GPC6: variants seen among roughly 807,000 people sequenced by gnomAD.
The protein encoded by GPC6 is glypican-6.
In GPC6, 14 loss-of-function variants were observed where a neutral mutation model predicts 55.2. That is an observed-to-expected ratio of 0.25 (90% CI 0.17 to 0.40). The LOEUF is 0.40. Ranked by LOEUF, GPC6 falls within the 10% of genes least tolerant of loss-of-function variation. GPC6 has a pLI of 1.00. For synonymous variants in GPC6, 278 were observed against 259.6 expected, an observed-to-expected ratio of 1.07 and a Z score of -0.68; for missense variants, 641 against 708.5, an observed-to-expected ratio of 0.90 and a Z score of 1.08.
At chr13:94,105,188 C>G (rs1391731261) in intron 4 of GPC6, among the ~76,000 whole-genome samples, 1 of 152,000 alleles carries the variant, frequency 6.6e-6, no homozygotes, top group African/African-American at 2.4e-5. Context: ...GACCCCGTAT[C>G]TACAAAAAAT....
intron 4 of GPC6, among the ~76,000 whole-genome samples, chr13:94,163,145 G>A (rs139358798): frequency 6.6e-6 from 1 of 152,238 alleles, no homozygotes; most frequent in African/African-American, 2.4e-5. Flanking sequence ...TGCCAGTATT[G>A]ATGGGAGACA....
In GPC6 at chr13:93,901,641, G is replaced by A. The variant is rs181462205; in HGVS notation, c.711+71096G>A. On this transcript the variant is annotated intron_variant, in intron 3 of 8. Transcript: ENST00000377047. Reference sequence around the variant, plus strand: ...TTAAAGGCTGGGCACGGTGGTTCACGCCTGTAATCCCAGCACTTTGGAAGG... The same window carrying A: ...TTAAAGGCTGGGCACGGTGGTTCACACCTGTAATCCCAGCACTTTGGAAGG... Among the ~76,000 whole-genome samples the A allele has an allele frequency of 9.9e-4, 151 of 152,084 alleles. 1 individual carries two copies. Among genetic ancestry groups the A allele is most frequent in the Non-Finnish European group, 1.7e-3 (115 of 67,966 alleles).
rs377606825 is a variant in GPC6, at chr13:94,061,794, G to GAA, written c.877+33911_877+33912dup. On this transcript the variant is annotated intron_variant, in intron 4 of 8. Transcript: ENST00000377047. ...CCATCGGGGAGAGTCAGCCCTGGGG[G>GAA]AAAAAAAAAAAACAAAAATGTAGTT... 9.6e-4 allele frequency among the ~76,000 whole-genome samples: 136 copies of GAA among 141,030 alleles called. 1 individual carries two copies. The highest frequency in any genetic ancestry group is 2.7e-3 in the Admixed American group (38 of 14,238). 92.5% of individuals were successfully genotyped at this position (141,030 alleles called of 152,430 possible).
intron 2 of GPC6, among the ~76,000 whole-genome samples, chr13:93,796,000 G>A (rs993095309): frequency 4.6e-5 from 7 of 151,466 alleles, no homozygotes; most frequent in African/African-American, 9.7e-5. Context: ...CCTGGGCAAC[G>A]TAGGGAGACC....
intron 4 of GPC6, among the ~76,000 whole-genome samples, chr13:94,156,825 G>A (rs1887963081): frequency 6.6e-6 from 1 of 152,132 alleles, no homozygotes; most frequent in African/African-American, 2.4e-5. Flanking sequence ...TATTTTTCTG[G>A]TGCCTCTCAC....
rs1335015404 is a variant in GPC6, at chr13:93,407,402, A to T, written c.161-137861A>T. Among the ~76,000 whole-genome samples, 4 of 152,232 alleles carry T rather than the reference A, an allele frequency of 2.6e-5. No individual in the cohort carries two copies. The South Asian group carries it at 8.3e-4, about 32-fold the overall frequency. On this transcript the variant is annotated intron_variant, in intron 1 of 8. Coordinates refer to ENST00000377047, the MANE Select transcript of GPC6 (RefSeq NM_005708.5). Reference sequence around the variant, plus strand: ...AGATTGCAAAGTTGGGTAAAAAAAAACACCAACTCATTGTATTTTATGGCT... The same window carrying T: ...AGATTGCAAAGTTGGGTAAAAAAAATCACCAACTCATTGTATTTTATGGCT...
chr13:94,095,921 A>G lies in GPC6; in HGVS notation c.877+68027A>G, dbSNP rs554971447. Among the ~76,000 whole-genome samples the G allele has an allele frequency of 7.2e-5, 11 of 152,294 alleles. No homozygotes were observed. In the East Asian group the frequency reaches 2.1e-3, roughly 29 times the overall value. On this transcript the variant is annotated intron_variant, in intron 4 of 8. Transcript: ENST00000377047. Reference sequence around the variant, plus strand: ...CTATTTTACTCTCAGGCCTGTGTGGACAGAAGTAGAAAACAGAGGAGGCAT... The same window carrying G: ...CTATTTTACTCTCAGGCCTGTGTGGGCAGAAGTAGAAAACAGAGGAGGCAT...
intron 3 of GPC6, among the ~76,000 whole-genome samples, chr13:93,856,008 C>CTT (rs1888597503): frequency 6.6e-6 from 1 of 151,706 alleles, no homozygotes; most frequent in Admixed American, 6.6e-5. Flanking sequence ...TTGACAGTGT[C>CTT]TTTCACAGAG....
At chr13:93,826,656 T>C (rs1320038549) in intron 2 of GPC6, among the ~76,000 whole-genome samples, 1 of 152,216 alleles carries the variant, frequency 6.6e-6, no homozygotes, top group Non-Finnish European at 1.5e-5. Flanking sequence ...CTGTGTGATG[T>C]AGACTGTAGA....
chr13:94,334,450 A>G (rs1877582043), intron 6 of GPC6, among the ~76,000 whole-genome samples: 1 of 152,216 alleles, frequency 6.6e-6, no homozygotes, highest in Non-Finnish European at 1.5e-5. Context: ...ATCAATATAG[A>G]TGTTTAAAGC....
chr13:94,357,626 A>AGT (rs1203793363), intron 6 of GPC6, among the ~76,000 whole-genome samples: 1 of 152,178 alleles, frequency 6.6e-6, no homozygotes, highest in East Asian at 1.9e-4. Context: ...CACAGCCCTA[A>AGT]GGTACCACCA....
intron 1 of GPC6, among the ~76,000 whole-genome samples, chr13:93,426,528 A>G (rs1165707897): frequency 6.6e-6 from 1 of 151,548 alleles, no homozygotes; most frequent in Non-Finnish European, 1.5e-5. Flanking sequence ...GAGAAGGATG[A>G]TTTCCAATTT....
At chr13:94,288,841 A>G (rs1174221826) in intron 5 of GPC6, among the ~76,000 whole-genome samples, 1 of 116,866 alleles carries the variant, frequency 8.6e-6, no homozygotes, top group African/African-American at 3.4e-5. Flanking sequence ...GTTATATATA[A>G]CAAATATATA....
intron 2 of GPC6, among the ~76,000 whole-genome samples, chr13:93,749,808 TACA>T (rs1227562045): frequency 7.2e-5 from 11 of 151,990 alleles, no homozygotes; most frequent in African/African-American, 2.7e-4. Flanking sequence ...ACGAAAAAAA[TACA>T]ACGTCAAATG....
chr13:94,280,369 A>G lies in GPC6; in HGVS notation c.878-5980A>G, dbSNP rs1368792786. 2.6e-5 allele frequency among the ~76,000 whole-genome samples: 4 copies of G among 152,192 alleles called. No homozygotes were observed. The East Asian group carries it at 7.7e-4, about 29-fold the overall frequency. ...AATTGGCCCTCTTTCCGGGTCATTC[A>G]GATCCTGGCTTATGTACTCCTCAGT... On this transcript the variant is annotated intron_variant, in intron 4 of 8. Transcript: ENST00000377047.
intron 4 of GPC6, among the ~76,000 whole-genome samples, chr13:94,051,271 A>G (rs1275135358): frequency 6.6e-6 from 1 of 152,162 alleles, no homozygotes; most frequent in East Asian, 1.9e-4. Flanking sequence ...ATGCATTATA[A>G]TCTTAGCACA....
chr13:93,289,650 TGCACAG>T (rs1311220871), intron 1 of GPC6, among the ~76,000 whole-genome samples: 3 of 152,208 alleles, frequency 2.0e-5, no homozygotes, highest in African/African-American at 4.8e-5. Flanking sequence ...AAAACTTGTA[TGCACAG>T]TTCAGCCTTT....
chr13:93,750,765 G>C (rs1884549909), intron 2 of GPC6, among the ~76,000 whole-genome samples: 1 of 152,306 alleles, frequency 6.6e-6, no homozygotes, highest in South Asian at 2.1e-4. Context: ...ATTTTACCTA[G>C]TTGGTTGGAT....
chr13:93,914,214 C>G (rs948423939), intron 3 of GPC6, among the ~76,000 whole-genome samples: 7 of 152,106 alleles, frequency 4.6e-5, no homozygotes, highest in African/African-American at 1.4e-4. Context: ...TATCCCTCCC[C>G]CCTCTCCCCA....
Sources: gnomAD v4.1 joint callset for allele counts (sites outside exome capture counted in the v4.1 genomes callset) on GRCh38, gnomAD v4.1.1 for gene constraint, MANE v1.5 for transcripts, NCBI Gene and HGNC (gene_info 2026-07-23, HGNC 2026-07-21) for gene names.